Variants in SNTG2 observed in about 807,000 individuals in gnomAD.
The protein encoded by SNTG2 is syntrophin gamma 2.
Under a neutral mutation model 70.9 loss-of-function variants are expected in SNTG2, and 74 were observed. The ratio of observed to expected loss-of-function variants is 1.04; its 90% CI spans 0.86 to 1.27. The LOEUF (loss-of-function observed/expected upper bound fraction) is 1.27, where lower values mean the gene tolerates loss of function less well. SNTG2 is among the 50% of genes most tolerant of loss of function. The probability of loss-of-function intolerance (pLI) is 0.00; values close to 1 mark genes in which losing one functional copy is unlikely to be tolerated. For synonymous variants in SNTG2, 278 were observed against 273.8 expected, an observed-to-expected ratio of 1.02 and a Z score of -0.15; for missense variants, 717 against 690.7, an observed-to-expected ratio of 1.04 and a Z score of -0.43.
intron 16 of SNTG2, among the ~76,000 whole-genome samples, chr2:1,347,342 C>A (rs988530789): frequency 3.9e-5 from 6 of 152,312 alleles, no homozygotes; most frequent in African/African-American, 1.4e-4. Flanking sequence ...GCCTGTGGGT[C>A]TTCCTGGTGT....
At chr2:1,150,787 A>G (rs1368042869) in intron 6 of SNTG2, among the ~76,000 whole-genome samples, 1 of 152,234 alleles carries the variant, frequency 6.6e-6, no homozygotes, top group Non-Finnish European at 1.5e-5. Flanking sequence ...GTTGTGGAAC[A>G]GAAGTTGTCA....
At chr2:998,412 A>T (rs1178343047) in intron 1 of SNTG2, among the ~76,000 whole-genome samples, 2 of 152,106 alleles carry the variant, frequency 1.3e-5, no homozygotes, top group Non-Finnish European at 2.9e-5. Context: ...AAAAAATCAA[A>T]TTAGGACATG....
At chr2:962,930 C>A (rs149204527) in intron 1 of SNTG2, among the ~76,000 whole-genome samples, 1 of 152,070 alleles carries the variant, frequency 6.6e-6, no homozygotes, top group Non-Finnish European at 1.5e-5. Context: ...CCTCTACTAG[C>A]GGGGAATTTG....
In SNTG2 at chr2:1,316,279, A is replaced by G. The variant is rs1681275477; in HGVS notation, c.1392A>G (p.Arg464=). The G allele has an allele frequency of 2.0e-6, 3 of 1,537,642 alleles. No individual in the cohort carries two copies. Among genetic ancestry groups the G allele is most frequent in the African/African-American group, 2.7e-5 (2 of 72,746 alleles). Residue 464 remains arginine (R), a synonymous_variant, in exon 16 of 17, where the codon AGA becomes AGG. Coordinates refer to ENST00000308624, the MANE Select transcript of SNTG2 (RefSeq NM_018968.4). The part of the protein sequence containing the change: ...FESKTKNVLW[R]FKFSQLKGSS... ...TTCCTTTACAGAATGTGCTCTGGAG[A>G]TTTAAATTTTCCCAGCTTAAGGGAT... is the stretch of plus-strand genomic sequence containing the variant.
intron 7 of SNTG2, among the ~76,000 whole-genome samples, chr2:1,167,882 A>G (rs28707633): frequency 3.4e-3 from 185 of 54,024 alleles, no homozygotes; most frequent in African/African-American, 5.6e-3. Flanking sequence ...CAGAACTGAA[A>G]CCTACAGGCC....
chr2:1,192,471 T>G (rs1164097631), intron 8 of SNTG2, among the ~76,000 whole-genome samples: 1 of 152,200 alleles, frequency 6.6e-6, no homozygotes, highest in Non-Finnish European at 1.5e-5. Flanking sequence ...CACAGTCGTG[T>G]GATGAAATTT....
At chr2:959,812 C>T (rs1208613496) in intron 1 of SNTG2, among the ~76,000 whole-genome samples, 3 of 151,340 alleles carry the variant, frequency 2.0e-5, no homozygotes, top group Non-Finnish European at 4.4e-5. Flanking sequence ...TTCCTTTATT[C>T]CTTTGATGTT....
intron 1 of SNTG2, among the ~76,000 whole-genome samples, chr2:1,026,645 C>T (rs1420343953): frequency 6.6e-6 from 1 of 152,182 alleles, no homozygotes; most frequent in Admixed American, 6.5e-5. Context: ...ATGTCTCATT[C>T]TCCCGAGTAG....
At chr2:1,056,923 A>AGGGG (rs1558349190) in intron 1 of SNTG2, among the ~76,000 whole-genome samples, 1 of 3,560 alleles carries the variant, frequency 2.8e-4, no homozygotes, top group Non-Finnish European at 5.0e-4. Context: ...TGCTGTGGGG[A>AGGGG]GGGAGGGAGG....
intron 1 of SNTG2, among the ~76,000 whole-genome samples, chr2:986,067 TAGAGAGAGAGAGAGAG>T (rs10633277): frequency 2.0e-4 from 26 of 129,802 alleles, no homozygotes; most frequent in Admixed American, 3.1e-4. Context: ...CTGCAAATAA[TAGAGAGAGAGAGAGAG>T]AGAGAGAGAG....
At chr2:1,050,350 G>A (rs1156265685) in intron 1 of SNTG2, among the ~76,000 whole-genome samples, 18 of 152,088 alleles carry the variant, frequency 1.2e-4, no homozygotes, top group Non-Finnish European at 2.9e-5. Flanking sequence ...CAAAATTCCA[G>A]CTAGAGTTTT....
intron 15 of SNTG2, among the ~76,000 whole-genome samples, chr2:1,310,180 G>A (rs1305627737): frequency 1.3e-5 from 2 of 152,188 alleles, no homozygotes; most frequent in African/African-American, 4.8e-5. Flanking sequence ...CCCCCTCACT[G>A]CAGCCCCTGG....
intron 1 of SNTG2, among the ~76,000 whole-genome samples, chr2:981,806 C>T (rs1661107953): frequency 6.6e-6 from 1 of 152,232 alleles, no homozygotes; most frequent in South Asian, 2.1e-4. Context: ...GTATACCATG[C>T]ACATGAAACT....
chr2:1,004,151 A>G (rs1052268593), intron 1 of SNTG2, among the ~76,000 whole-genome samples: 3 of 152,206 alleles, frequency 2.0e-5, no homozygotes, highest in South Asian at 4.1e-4. Context: ...TTTATTCTTA[A>G]TGATAGTGCC....
chr2:1,134,577 A>C (rs1233974066), intron 4 of SNTG2, among the ~76,000 whole-genome samples: 4 of 152,164 alleles, frequency 2.6e-5, no homozygotes, highest in Non-Finnish European at 1.5e-5. Context: ...CTAGATACAG[A>C]GTGCCGATTG....
chr2:991,600 G>C (rs1377457468), intron 1 of SNTG2, among the ~76,000 whole-genome samples: 1 of 152,138 alleles, frequency 6.6e-6, no homozygotes, highest in East Asian at 1.9e-4. Flanking sequence ...GCTCCAGGTA[G>C]CACCCAGGGC....
chr2:1,237,738 T>C (rs1466621423), intron 9 of SNTG2, 150 bp from the exon 10 acceptor site: 18 of 918,478 alleles, frequency 2.0e-5, no homozygotes, highest in South Asian at 2.1e-5. Context: ...GCGAGCCTGC[T>C]GACTGTACTG....
chr2:958,444 A>G (rs1275739589), intron 1 of SNTG2, among the ~76,000 whole-genome samples: 1 of 152,232 alleles, frequency 6.6e-6, no homozygotes, highest in Non-Finnish European at 1.5e-5. Context: ...CATGCAGAGT[A>G]CTATGTGATA....
intron 1 of SNTG2, among the ~76,000 whole-genome samples, chr2:1,010,273 T>A (rs1281833048): frequency 6.6e-6 from 1 of 152,138 alleles, no homozygotes; most frequent in Non-Finnish European, 1.5e-5. Flanking sequence ...GCTTCTACAG[T>A]AAAAGTCAAC....
Sources: gnomAD v4.1 joint callset for allele counts (sites outside exome capture counted in the v4.1 genomes callset) on GRCh38, gnomAD v4.1.1 for gene constraint, MANE v1.5 for transcripts, NCBI Gene and HGNC (gene_info 2026-07-23, HGNC 2026-07-21) for gene names.